Variants in WWTR1 observed in about 807,000 individuals in gnomAD.
The protein encoded by WWTR1 is WW domain containing transcription regulator 1, also known as WW domain-containing transcription regulator protein 1.
In WWTR1, 13 loss-of-function variants were observed where a neutral mutation model predicts 40.1. The observed-to-expected ratio is 0.32, with a 90% CI of 0.21 to 0.52. WWTR1 has a LOEUF of 0.52. Among genes scored for constraint, WWTR1 ranks in the 20% least tolerant of loss-of-function variants. The pLI is 0.97. For synonymous variants in WWTR1, 230 were observed against 210.1 expected (o/e 1.09, Z -0.82); for missense variants, 436 against 523.1 (o/e 0.83, Z 1.63).
At chr3:149,609,772 G>T (rs1389039297) in intron 2 of WWTR1, among the ~76,000 whole-genome samples, 2 of 152,218 alleles carry the variant, frequency 1.3e-5, no homozygotes, top group Non-Finnish European at 2.9e-5. Flanking sequence ...CCACCAACTT[G>T]CAGTCACTCA....
intron 3 of WWTR1, 102 bp downstream of exon 3, chr3:149,572,762 G>T: frequency 7.2e-7 from 1 of 1,390,882 alleles, no homozygotes; most frequent in Non-Finnish European, 9.7e-7. Flanking sequence ...TGTTAGGATT[G>T]TTTGAGCCCA....
chr3:149,631,128 A>C (rs1460176394), intron 2 of WWTR1, among the ~76,000 whole-genome samples: 1 of 152,192 alleles, frequency 6.6e-6, no homozygotes, highest in African/African-American at 2.4e-5. Context: ...TGGGGTCAGA[A>C]TAGAGGAAGA....
intron 2 of WWTR1, among the ~76,000 whole-genome samples, chr3:149,622,509 GAAAGA>G (rs1560089811): frequency 3.4e-4 from 47 of 139,176 alleles, no homozygotes; most frequent in African/African-American, 1.3e-3. Flanking sequence ...AAGGAAGAAA[GAAAGA>G]AAGAAAGAAA....
At chr3:149,628,894 C>A (rs1349706189) in intron 2 of WWTR1, among the ~76,000 whole-genome samples, 1 of 151,958 alleles carries the variant, frequency 6.6e-6, no homozygotes, top group African/African-American at 2.4e-5. Context: ...CCACCTCAGC[C>A]TCCTGAGTAG....
upstream of WWTR1, among the ~76,000 whole-genome samples, chr3:149,662,518 C>T (rs7644812): frequency 4.9e-3 from 753 of 152,284 alleles, 5 homozygotes; most frequent in African/African-American, 0.017. Flanking sequence ...ATCCAATCAG[C>T]GGCAAATGCT....
At chr3:149,533,748 G>C (rs1361215291) in intron 4 of WWTR1, among the ~76,000 whole-genome samples, 5 of 152,014 alleles carry the variant, frequency 3.3e-5, no homozygotes, top group African/African-American at 9.7e-5. Context: ...TTTCTTGACA[G>C]TTTGTTCACC....
At chr3:149,661,933 A>T (rs139802744), upstream of WWTR1, among the ~76,000 whole-genome samples, 26,904 of 151,376 alleles carry the variant, frequency 0.18, 2,640 homozygotes, top group East Asian at 0.3. Context: ...GGGTTTCACC[A>T]TTTGGGCCAG....
At chr3:149,584,515 T>A (rs1344816) in intron 2 of WWTR1, among the ~76,000 whole-genome samples, 1 of 151,928 alleles carries the variant, frequency 6.6e-6, no homozygotes, top group African/African-American at 2.4e-5. Context: ...CAGAGTGAGG[T>A]TCCCATTTTG....
At chr3:149,622,654 C>T (rs558680064) in intron 2 of WWTR1, among the ~76,000 whole-genome samples, 2 of 152,224 alleles carry the variant, frequency 1.3e-5, no homozygotes, top group Non-Finnish European at 2.9e-5. Context: ...AGTTCAAGAC[C>T]AGCCTGGACA....
chr3:149,665,419 G>T (rs1218236801), intron 2 of WWTR1, among the ~76,000 whole-genome samples: 3 of 151,882 alleles, frequency 2.0e-5, no homozygotes, highest in African/African-American at 7.3e-5. Flanking sequence ...AGAGATGGGG[G>T]TTTCACCATT....
At chr3:149,532,764 C>T (rs1226286956) in intron 4 of WWTR1, among the ~76,000 whole-genome samples, 6 of 152,220 alleles carry the variant, frequency 3.9e-5, no homozygotes, top group Non-Finnish European at 5.9e-5. Flanking sequence ...AGGATTTGGA[C>T]TGCCACATGA....
chr3:149,579,711 G>T (rs1457223120), intron 2 of WWTR1, among the ~76,000 whole-genome samples: 3 of 152,202 alleles, frequency 2.0e-5, no homozygotes, highest in Non-Finnish European at 4.4e-5. Flanking sequence ...TTAAGTATAA[G>T]CAAACTGTCT....
At chr3:149,568,439 GT>G (rs1287016122) in intron 3 of WWTR1, among the ~76,000 whole-genome samples, 1 of 140,996 alleles carries the variant, frequency 7.1e-6, no homozygotes, top group East Asian at 2.2e-4. Flanking sequence ...ATCCAAATTG[GT>G]AAAGCCTGAT....
chr3:149,656,791 T>TCACA lies in WWTR1; in HGVS notation c.431+81_431+84dup, dbSNP rs558663867. On this transcript the variant is annotated intron_variant, in intron 2 of 6. Coordinates refer to ENST00000360632, the MANE Select transcript of WWTR1 (RefSeq NM_015472.6). Reference sequence around the variant, plus strand: ...CTCTCTCTCTCTCTCTCTCTCTCTCTCACACACACACACACACACACACGA... The same window carrying TCACA: ...CTCTCTCTCTCTCTCTCTCTCTCTCTCACACACACACACACACACACACACACGA... The TCACA allele has an allele frequency of 2.4e-3, 1,583 of 647,826 alleles. 6 individuals carry two copies. Among genetic ancestry groups the TCACA allele is most frequent in the African/African-American group, 0.017 (820 of 48,640 alleles). 40.1% of individuals were successfully genotyped at this position (647,826 alleles called of 1,614,324 possible).
chr3:149,576,191 T>C, intron 2 of WWTR1: 1 of 436,260 alleles, frequency 2.3e-6, no homozygotes, highest in East Asian at 7.1e-5. Flanking sequence ...GTGTCAAGAG[T>C]GGCTCCCAGG....
At chr3:149,576,918 G>A (rs184667316) in intron 2 of WWTR1, among the ~76,000 whole-genome samples, 1 of 152,314 alleles carries the variant, frequency 6.6e-6, no homozygotes. Context: ...AGCACTTTGG[G>A]AGGCCGAGGT....
intron 1 of WWTR1, among the ~76,000 whole-genome samples, chr3:149,682,688 T>C (rs1354536572): frequency 6.6e-6 from 1 of 152,234 alleles, no homozygotes; most frequent in Non-Finnish European, 1.5e-5. Flanking sequence ...TTCTCTTCAC[T>C]ACCAAGGTTT....
intron 1 of WWTR1, among the ~76,000 whole-genome samples, chr3:149,672,845 AC>A (rs1203508242): frequency 6.7e-6 from 1 of 150,262 alleles, no homozygotes; most frequent in African/African-American, 2.5e-5. Context: ...GTACAGTGAT[AC>A]CATCACAGCT....
intron 2 of WWTR1, among the ~76,000 whole-genome samples, chr3:149,625,933 T>C (rs1434660234): frequency 1.3e-5 from 2 of 152,168 alleles, no homozygotes; most frequent in African/African-American, 4.8e-5. Context: ...ACCCTGAGTT[T>C]ACCATTTAAG....
Sources: gnomAD v4.1 joint callset for allele counts (sites outside exome capture counted in the v4.1 genomes callset) on GRCh38, gnomAD v4.1.1 for gene constraint, MANE v1.5 for transcripts, NCBI Gene and HGNC (gene_info 2026-07-23, HGNC 2026-07-21) for gene names.